Variants in GPC5 observed in about 807,000 individuals in gnomAD.
The protein encoded by GPC5 is glypican 5.
GPC5 carries 47 observed loss-of-function variants against 53.9 expected under a neutral mutation model. The ratio of observed to expected loss-of-function variants is 0.87; its 90% CI spans 0.69 to 1.11. GPC5 has a LOEUF of 1.11. GPC5 is among the 50% of genes most tolerant of loss of function. The probability of loss-of-function intolerance (pLI) is 0.00; values close to 1 mark genes in which losing one functional copy is unlikely to be tolerated. For missense variants in GPC5, 748 were observed against 713.1 expected (o/e 1.05, Z -0.56); for synonymous variants, 286 against 263.3 (o/e 1.09, Z -0.84).
intron 2 of GPC5, among the ~76,000 whole-genome samples, chr13:91,599,117 T>C (rs187439194): frequency 6.6e-6 from 1 of 152,078 alleles, no homozygotes; most frequent in Non-Finnish European, 1.5e-5. Context: ...CCTGAGATTT[T>C]AGTGTATTCA....
intron 2 of GPC5, among the ~76,000 whole-genome samples, chr13:91,671,780 CAAAAAAAA>C (rs55758033): frequency 1.4e-3 from 46 of 33,132 alleles, no homozygotes; most frequent in South Asian, 4.1e-3. Context: ...CAATCTGAAG[CAAAAAAAA>C]AAAAAAAAAA....
At chr13:92,445,268 T>TTC (rs1877755961) in intron 7 of GPC5, among the ~76,000 whole-genome samples, 1 of 151,258 alleles carries the variant, frequency 6.6e-6, no homozygotes, top group Non-Finnish European at 1.5e-5. Context: ...TCTCTTTTTT[T>TTC]TTTTAACAAA....
At chr13:92,563,037 T>C (rs1882746165) in intron 7 of GPC5, among the ~76,000 whole-genome samples, 1 of 151,942 alleles carries the variant, frequency 6.6e-6, no homozygotes, top group Non-Finnish European at 1.5e-5. Context: ...AAATACCAAA[T>C]TCCCCCACTC....
intron 2 of GPC5, among the ~76,000 whole-genome samples, chr13:91,571,838 CTTGTGTGTATAT>C (rs1566515636): frequency 1.6e-5 from 1 of 61,624 alleles, no homozygotes; most frequent in African/African-American, 1.5e-4. Context: ...TACACATATA[CTTGTGTGTATAT>C]ACACATATAC....
In GPC5 at chr13:92,211,222, A is replaced by T. The variant is rs149869022; in HGVS notation, c.1561+66233A>T. 1.8e-4 allele frequency among the ~76,000 whole-genome samples: 27 copies of T among 152,308 alleles called. No individual in the cohort carries two copies. In the East Asian group the frequency reaches 2.1e-3, roughly 12 times the overall value. Reference sequence around the variant, plus strand: ...GAAGGAAAGGATATCTATTGAATTGAGGTATTACATTCTTGGTCCTGAGAA... The same window carrying T: ...GAAGGAAAGGATATCTATTGAATTGTGGTATTACATTCTTGGTCCTGAGAA... On this transcript the variant is annotated intron_variant, in intron 7 of 7. Coordinates refer to ENST00000377067, the MANE Select transcript of GPC5 (RefSeq NM_004466.6).
intron 7 of GPC5, among the ~76,000 whole-genome samples, chr13:92,576,582 A>C (rs1883197780): frequency 6.6e-6 from 1 of 152,198 alleles, no homozygotes; most frequent in Admixed American, 6.5e-5. Context: ...AGACATTAAA[A>C]ATGAATAACC....
intron 2 of GPC5, among the ~76,000 whole-genome samples, chr13:91,476,402 A>G (rs771721316): frequency 1.4e-4 from 21 of 152,212 alleles, no homozygotes; most frequent in Admixed American, 2.0e-4. Context: ...GTAAATAACA[A>G]CGGATTTGAG....
chr13:92,616,722 C>A (rs1186338471), intron 7 of GPC5, among the ~76,000 whole-genome samples: 5 of 152,020 alleles, frequency 3.3e-5, no homozygotes, highest in African/African-American at 4.8e-5. Flanking sequence ...TTATGAGAAA[C>A]ATGATGTAAA....
At chr13:92,072,062 T>G (rs1468886583) in intron 6 of GPC5, among the ~76,000 whole-genome samples, 1 of 146,330 alleles carries the variant, frequency 6.8e-6, no homozygotes, top group Non-Finnish European at 1.5e-5. Flanking sequence ...ATATATTTTA[T>G]TTATATATAT....
intron 2 of GPC5, among the ~76,000 whole-genome samples, chr13:91,489,366 T>C (rs1883801470): frequency 6.6e-6 from 1 of 152,116 alleles, no homozygotes; most frequent in Admixed American, 6.6e-5. Context: ...TTGTACTCTG[T>C]CCCTTTATTT....
chr13:91,947,270 C>T (rs1005874749), intron 6 of GPC5, among the ~76,000 whole-genome samples: 3 of 152,046 alleles, frequency 2.0e-5, no homozygotes, highest in African/African-American at 7.2e-5. Context: ...AGATAGCATT[C>T]ATTTTATGTA....
intron 6 of GPC5, among the ~76,000 whole-genome samples, chr13:92,090,210 G>T (rs879630519): frequency 2.6e-4 from 39 of 152,028 alleles, no homozygotes; most frequent in Non-Finnish European, 4.4e-4. Flanking sequence ...AACTTTTATT[G>T]AAATATTTCT....
intron 7 of GPC5, among the ~76,000 whole-genome samples, chr13:92,819,789 T>A (rs953419255): frequency 6.6e-6 from 1 of 152,196 alleles, no homozygotes; most frequent in South Asian, 2.1e-4. Flanking sequence ...AGGAATTTTT[T>A]AATTATAATT....
At chr13:91,756,737 A>ATTTCT (rs2037301553) in intron 5 of GPC5, among the ~76,000 whole-genome samples, 1 of 152,088 alleles carries the variant, frequency 6.6e-6, no homozygotes, top group South Asian at 2.1e-4. Flanking sequence ...CAAATATTGT[A>ATTTCT]TTTCTTTTTA....
In GPC5 at chr13:92,042,874, A is replaced by C. The variant is rs1181497876; in HGVS notation, c.1402-101956A>C. 2.0e-5 allele frequency among the ~76,000 whole-genome samples: 3 copies of C among 152,222 alleles called. No homozygotes were observed. In the East Asian group the frequency reaches 5.8e-4, roughly 29 times the overall value. On this transcript the variant is annotated intron_variant, in intron 6 of 7. Coordinates refer to ENST00000377067, the MANE Select transcript of GPC5 (RefSeq NM_004466.6). ...TAATTGAAAGAGTAAAGGAAGTCTA[A>C]TGACAATGTCTCATCAAATGCAGAA...
chr13:92,661,550 T>C (rs1052048750), intron 7 of GPC5, among the ~76,000 whole-genome samples: 1 of 152,210 alleles, frequency 6.6e-6, no homozygotes, highest in African/African-American at 2.4e-5. Context: ...TGGCATTAAA[T>C]AGTGTCTAAA....
chr13:91,486,173 A>T (rs1353624810), intron 2 of GPC5: 2 of 152,234 alleles, frequency 1.3e-5, no homozygotes, highest in African/African-American at 4.8e-5. Flanking sequence ...TTACCTGGGT[A>T]ACCAAGACTC....
chr13:91,702,508 T>G (rs573220410), intron 3 of GPC5, among the ~76,000 whole-genome samples: 1 of 152,292 alleles, frequency 6.6e-6, no homozygotes, highest in African/African-American at 2.4e-5. Context: ...GGTCTGCATG[T>G]CTGTCTTTAT....
chr13:91,487,258 G>A (rs1183715885), intron 2 of GPC5, among the ~76,000 whole-genome samples: 1 of 152,148 alleles, frequency 6.6e-6, no homozygotes, highest in Non-Finnish European at 1.5e-5. Flanking sequence ...CGGGGAGTGG[G>A]GATATGGGGA....
Sources: allele counts gnomAD v4.1 joint callset (sites outside exome capture counted in the v4.1 genomes callset), GRCh38; gene constraint gnomAD v4.1.1; transcripts MANE v1.5; gene names NCBI Gene and HGNC (gene_info 2026-07-23, HGNC 2026-07-21).